The following DIAPH3 variants were observed in gnomAD, a reference collection of about 807,000 sequenced individuals.
DIAPH3 encodes the protein protein diaphanous homolog 3.
DIAPH3 carries 117 observed loss-of-function variants against 144.3 expected under a neutral mutation model. The ratio of observed to expected loss-of-function variants is 0.81; its 90% confidence interval spans 0.70 to 0.95. The LOEUF is 0.95. DIAPH3 is among the 40% of genes least tolerant of loss of function. The pLI is 0.00. For missense variants in DIAPH3, 1,421 were observed against 1,412.7 expected (o/e 1.01, Z -0.09); for synonymous variants, 519 against 488.9 (o/e 1.06, Z -0.81).
At chr13:60,128,291 T>C (rs1213978766) in intron 2 of DIAPH3, among the ~76,000 whole-genome samples, 1 of 152,180 alleles carries the variant, frequency 6.6e-6, no homozygotes, top group Non-Finnish European at 1.5e-5. Flanking sequence ...GTACCATACT[T>C]TCTTTATCCA....
chr13:60,028,483 A>G (rs2054543500), intron 5 of DIAPH3, among the ~76,000 whole-genome samples: 1 of 152,040 alleles, frequency 6.6e-6, no homozygotes, highest in Admixed American at 6.6e-5. Flanking sequence ...TCTCCTCCCC[A>G]CTGGCTACTC....
At chr13:59,808,161 A>C (rs2139532971) in intron 25 of DIAPH3, among the ~76,000 whole-genome samples, 1 of 151,880 alleles carries the variant, frequency 6.6e-6, no homozygotes, top group South Asian at 2.1e-4. Context: ...GCAAATATTA[A>C]AACATCATAG....
intron 27 of DIAPH3, among the ~76,000 whole-genome samples, chr13:59,734,809 T>C (rs768490710): frequency 4.6e-5 from 7 of 152,232 alleles, no homozygotes; most frequent in Non-Finnish European, 1.0e-4. Flanking sequence ...TTAAAAAATA[T>C]AACTATTAAG....
intron 3 of DIAPH3, among the ~76,000 whole-genome samples, chr13:60,102,842 A>G (rs1257214768): frequency 6.6e-6 from 1 of 152,166 alleles, no homozygotes; most frequent in Non-Finnish European, 1.5e-5. Context: ...TCACTTCATC[A>G]TCTATTCCAA....
intron 18 of DIAPH3, among the ~76,000 whole-genome samples, chr13:59,917,412 T>C (rs1388247462): frequency 1.3e-5 from 2 of 152,204 alleles, no homozygotes; most frequent in Non-Finnish European, 2.9e-5. Context: ...GTTGTATTCC[T>C]GATTTGTGAG....
At chr13:60,092,088 A>G (rs2057955557) in intron 4 of DIAPH3, among the ~76,000 whole-genome samples, 1 of 151,976 alleles carries the variant, frequency 6.6e-6, no homozygotes, top group African/African-American at 2.4e-5. Context: ...AGGTCCTCCC[A>G]CCTTGACTTC....
At chr13:60,142,696 G>T (rs1414583460) in intron 1 of DIAPH3, among the ~76,000 whole-genome samples, 4 of 152,006 alleles carry the variant, frequency 2.6e-5, no homozygotes, top group Non-Finnish European at 5.9e-5. Flanking sequence ...TTCCCTTCCT[G>T]CAGTTAATAA....
At chr13:60,119,865 GC>G (rs1227033648) in intron 2 of DIAPH3, among the ~76,000 whole-genome samples, 1 of 151,520 alleles carries the variant, frequency 6.6e-6, no homozygotes, top group Admixed American at 6.6e-5. Flanking sequence ...TGTGTATGCA[GC>G]CTATAGCACA....
intron 24 of DIAPH3, among the ~76,000 whole-genome samples, chr13:59,825,901 C>T (rs2041383087): frequency 6.6e-6 from 1 of 152,002 alleles, no homozygotes; most frequent in Non-Finnish European, 1.5e-5. Flanking sequence ...AAATGTAATC[C>T]AGCATATAAA....
At chr13:60,134,405 G>C (rs1437009411) in intron 1 of DIAPH3, among the ~76,000 whole-genome samples, 1 of 152,198 alleles carries the variant, frequency 6.6e-6, no homozygotes, top group Admixed American at 6.5e-5. Flanking sequence ...TTGGGATCCT[G>C]AGCGGGATGT....
chr13:60,028,092 G>C (rs2054510460), intron 5 of DIAPH3, among the ~76,000 whole-genome samples: 2 of 152,008 alleles, frequency 1.3e-5, no homozygotes, highest in African/African-American at 4.8e-5. Flanking sequence ...CAGCTTTCAA[G>C]GCCAATTCAC....
chr13:59,689,557 A>G lies in DIAPH3; in HGVS notation c.3320-22711T>C, dbSNP rs534166242. 9.9e-5 allele frequency among the ~76,000 whole-genome samples: 15 copies of G among 152,046 alleles called. No individual in the cohort carries two copies. The South Asian group carries it at 3.1e-3, about 32-fold the overall frequency. ...AATTTTTAGGCAAATCATGAAGGAA[A>G]ACTTTCTTCTTCATGGAAGAAAGCA... On this transcript the variant is annotated intron_variant, in intron 27 of 27. Coordinates refer to ENST00000400324, the MANE Select transcript of DIAPH3 (RefSeq NM_001042517.2).
chr13:60,068,921 T>C (rs575192157), intron 4 of DIAPH3, among the ~76,000 whole-genome samples: 1 of 128,470 alleles, frequency 7.8e-6, no homozygotes, highest in East Asian at 2.0e-4. Flanking sequence ...TCCATGTCTT[T>C]GATATTGTGA....
chr13:59,680,916 G>A (rs969514697), intron 27 of DIAPH3, among the ~76,000 whole-genome samples: 1 of 152,088 alleles, frequency 6.6e-6, no homozygotes, highest in Non-Finnish European at 1.5e-5. Flanking sequence ...CGAAAAGACC[G>A]CTGTCTGGAG....
chr13:60,145,930 G>A (rs1951490400), intron 1 of DIAPH3, among the ~76,000 whole-genome samples: 1 of 152,076 alleles, frequency 6.6e-6, no homozygotes, highest in African/African-American at 2.4e-5. Flanking sequence ...AAAAATGCTT[G>A]TCAGGAATTA....
intron 13 of DIAPH3, among the ~76,000 whole-genome samples, chr13:59,983,239 GGCAATTCT>G (rs2051147396): frequency 6.7e-6 from 1 of 148,284 alleles, no homozygotes; most frequent in African/African-American, 2.5e-5. Flanking sequence ...GGGGGGGACA[GGCAATTCT>G]GCTTGCAACT....
At chr13:60,089,771 C>T (rs2057871103) in intron 4 of DIAPH3, among the ~76,000 whole-genome samples, 1 of 152,158 alleles carries the variant, frequency 6.6e-6, no homozygotes, top group South Asian at 2.1e-4. Flanking sequence ...GGGCACAGCG[C>T]CTTGTAGTAC....
In DIAPH3 at chr13:59,784,851, G is replaced by GCACA. The variant is rs144477527; in HGVS notation, c.3164-10032_3164-10029dup. On this transcript the variant is annotated intron_variant, in intron 25 of 27. Transcript: ENST00000400324. ...TCTAGAAGAAAAACCACACACGCGC[G>GCACA]CACACACACACACACACACAGTTGC... 6.3e-4 allele frequency among the ~76,000 whole-genome samples: 94 copies of GCACA among 148,678 alleles called. 1 individual carries two copies. Among genetic ancestry groups the GCACA allele is most frequent in the Admixed American group, 3.4e-3 (51 of 14,882 alleles).
At chr13:60,063,473 T>C (rs1270302794) in intron 4 of DIAPH3, among the ~76,000 whole-genome samples, 4 of 152,214 alleles carry the variant, frequency 2.6e-5, no homozygotes, top group African/African-American at 9.6e-5. Flanking sequence ...TGATGGCATC[T>C]AGAATGGTGA....
Sources: allele counts gnomAD v4.1 joint callset (sites outside exome capture counted in the v4.1 genomes callset), GRCh38; gene constraint gnomAD v4.1.1; transcripts MANE v1.5; gene names NCBI Gene and HGNC (gene_info 2026-07-23, HGNC 2026-07-21).